DPYD: variants seen among roughly 807,000 people sequenced by gnomAD.
The protein encoded by DPYD is dihydropyrimidine dehydrogenase [NADP(+)].
Under a neutral mutation model 116.2 loss-of-function variants are expected in DPYD, and 109 were observed. The observed-to-expected ratio is 0.94, with a 90% CI of 0.80 to 1.10. The LOEUF is 1.10. Among genes scored for constraint, DPYD ranks in the 50% least tolerant of loss-of-function variants. DPYD has a pLI of 0.00. For missense variants in DPYD, 1,302 were observed against 1,254.5 expected, an observed-to-expected ratio of 1.04 and a Z score of -0.57; for synonymous variants, 440 against 432.0, an observed-to-expected ratio of 1.02 and a Z score of -0.23.
At chr1:97,177,829 A>G (rs1170867744) in intron 20 of DPYD, among the ~76,000 whole-genome samples, 2 of 152,116 alleles carry the variant, frequency 1.3e-5, no homozygotes, top group Non-Finnish European at 2.9e-5. Context: ...GCTTATAAAC[A>G]ACATACATTT....
At position 97,765,562 on chromosome 1, in the gene DPYD, T is replaced by C. The variant is rs901307684; in HGVS notation, c.234-25083A>G. Among the ~76,000 whole-genome samples, 6 of 152,136 alleles carry C rather than the reference T, an allele frequency of 3.9e-5. No individual in the cohort carries two copies. The South Asian group carries it at 1.2e-3, about 32-fold the overall frequency. On this transcript the variant is annotated intron_variant, in intron 3 of 22. Coordinates refer to ENST00000370192, the MANE Select transcript of DPYD (RefSeq NM_000110.4). ...AGGTGGGTTTAGGAAATGAACAGAA[T>C]AGTTTGACAGCCTTACTCCTTAGGA... is the stretch of plus-strand genomic sequence containing the variant.
intron 16 of DPYD, among the ~76,000 whole-genome samples, chr1:97,339,965 T>C (rs1024247007): frequency 2.0e-5 from 3 of 152,062 alleles, no homozygotes; most frequent in African/African-American, 7.2e-5. Flanking sequence ...AGGAGTAAAA[T>C]GGGCAAGTAG....
chr1:97,216,827 G>T (rs1159839646), intron 19 of DPYD, among the ~76,000 whole-genome samples: 1 of 151,880 alleles, frequency 6.6e-6, no homozygotes, highest in African/African-American at 2.4e-5. Context: ...TTGAGAAGAG[G>T]ATGCAGATTT....
At chr1:97,270,605 G>GTAGA (rs1664516049) in intron 18 of DPYD, among the ~76,000 whole-genome samples, 1 of 152,132 alleles carries the variant, frequency 6.6e-6, no homozygotes, top group African/African-American at 2.4e-5. Flanking sequence ...GCTACATAAG[G>GTAGA]TAGAGTTTGG....
intron 18 of DPYD, among the ~76,000 whole-genome samples, chr1:97,289,541 A>G (rs1665983651): frequency 6.6e-6 from 1 of 151,576 alleles, no homozygotes; most frequent in Non-Finnish European, 1.5e-5. Flanking sequence ...ACATACGCAA[A>G]TCAATAAATG....
intron 20 of DPYD, among the ~76,000 whole-genome samples, chr1:97,126,392 CCT>C (rs1353439895): frequency 6.6e-6 from 1 of 152,090 alleles, no homozygotes; most frequent in African/African-American, 2.4e-5. Flanking sequence ...CTCCCTGGCC[CCT>C]TTCTCCACTT....
Position 97,147,744 on chromosome 1 carries a change from C to T in DPYD, c.2622+45325G>A, listed in dbSNP as rs76010055. Among the ~76,000 whole-genome samples the T allele has an allele frequency of 1.5e-3, 223 of 152,226 alleles. 3 individuals are homozygous for T. In the East Asian group the frequency reaches 0.039, roughly 27 times the overall value. On this transcript the variant is annotated intron_variant, in intron 20 of 22. Coordinates refer to ENST00000370192, the MANE Select transcript of DPYD (RefSeq NM_000110.4). ...CTCAATGTCCTCTACGTCCTTAGCC[C>T]ATCAGTCCATCTTATTTTCATGTTA...
chr1:97,882,233 A>G (rs181858918), intron 2 of DPYD, among the ~76,000 whole-genome samples: 4 of 152,080 alleles, frequency 2.6e-5, no homozygotes, highest in Admixed American at 6.6e-5. Context: ...TTCAAAATCC[A>G]TGTCTGTAAT....
At chr1:97,697,674 T>G (rs961506486) in intron 6 of DPYD, among the ~76,000 whole-genome samples, 1 of 152,040 alleles carries the variant, frequency 6.6e-6, no homozygotes, top group Non-Finnish European at 1.5e-5. Flanking sequence ...CAGAGAACTC[T>G]GTCTCACTAA....
intron 18 of DPYD, among the ~76,000 whole-genome samples, chr1:97,243,281 G>A (rs1662498268): frequency 6.6e-6 from 1 of 152,046 alleles, no homozygotes; most frequent in African/African-American, 2.4e-5. Flanking sequence ...GCAAGTATGA[G>A]TTAACTTTTA....
chr1:97,527,912 T>C (rs575666066), intron 12 of DPYD, among the ~76,000 whole-genome samples: 140 of 151,966 alleles, frequency 9.2e-4, no homozygotes, highest in African/African-American at 3.4e-3. Context: ...CAATTCAAAA[T>C]AATCAAACAG....
intron 20 of DPYD, among the ~76,000 whole-genome samples, chr1:97,181,458 A>G (rs1249407544): frequency 6.6e-6 from 1 of 152,118 alleles, no homozygotes; most frequent in East Asian, 1.9e-4. Context: ...TTACTGCCCA[A>G]ACTTGAAGTT....
Position 97,595,155 on chromosome 1 carries a change from G to T in DPYD, c.862C>A (p.Pro288Thr), listed in dbSNP as rs1446666001. ...AAFIGIGLPEPNKDAIFQGLT... is the reference protein window; with the variant it reads ...AAFIGIGLPETNKDAIFQGLT... ...CCTTGGAAGATGGCATCTTTATTGGGTTCTGGCAAACCTAAGTAATCAAAT... is the reference window on the plus strand; with the variant it reads ...CCTTGGAAGATGGCATCTTTATTGGTTTCTGGCAAACCTAAGTAATCAAAT... The change falls in exon 9 of 23, where the codon CCC becomes ACC. Residue 288 changes from proline (P) to threonine (T), a missense_variant. Physicochemically the swap from Pro to Thr is conservative, Grantham distance 38. Coordinates refer to ENST00000370192, the MANE Select transcript of DPYD (RefSeq NM_000110.4). 4.3e-6 allele frequency: 7 copies of T among 1,613,370 alleles called. No individual in the cohort carries two copies. The South Asian group carries it at 6.6e-5, about 15-fold the overall frequency.
At chr1:97,671,946 AT>A (rs202099045) in intron 8 of DPYD, among the ~76,000 whole-genome samples, 14,790 of 127,468 alleles carry the variant, frequency 0.12, 426 homozygotes, top group Non-Finnish European at 0.15. Flanking sequence ...TTTATCTATT[AT>A]TTTTTTTTTT....
intron 18 of DPYD, among the ~76,000 whole-genome samples, chr1:97,299,450 T>C (rs1237708814): frequency 1.3e-5 from 2 of 152,104 alleles, no homozygotes; most frequent in Non-Finnish European, 2.9e-5. Flanking sequence ...CAAAGGAAAA[T>C]ATATATAATA....
intron 18 of DPYD, among the ~76,000 whole-genome samples, chr1:97,242,151 T>TATATAC (rs1434862121): frequency 1.3e-4 from 18 of 133,338 alleles, no homozygotes; most frequent in Non-Finnish European, 2.3e-4. Context: ...TATATATATA[T>TATATAC]ATATATATAT....
chr1:97,270,364 T>C (rs1435934461), intron 18 of DPYD, among the ~76,000 whole-genome samples: 1 of 152,206 alleles, frequency 6.6e-6, no homozygotes, highest in African/African-American at 2.4e-5. Context: ...TCTTGCAATA[T>C]CTCAACCAAG....
intron 20 of DPYD, among the ~76,000 whole-genome samples, chr1:97,103,207 C>A (rs1389843611): frequency 6.6e-6 from 1 of 152,052 alleles, no homozygotes; most frequent in African/African-American, 2.4e-5. Flanking sequence ...TCTGTAGTTT[C>A]TGAATTCAGT....
intron 13 of DPYD, among the ~76,000 whole-genome samples, chr1:97,495,222 C>T (rs550096631): frequency 1.3e-4 from 20 of 152,118 alleles, no homozygotes; most frequent in African/African-American, 4.3e-4. Context: ...AGATTTATGG[C>T]CTTTCTCCTG....
Sources: gnomAD v4.1 joint callset for allele counts (sites outside exome capture counted in the v4.1 genomes callset) on GRCh38, gnomAD v4.1.1 for gene constraint, MANE v1.5 for transcripts, NCBI Gene and HGNC (gene_info 2026-07-23, HGNC 2026-07-21) for gene names.